The following PDE4D variants were observed in gnomAD, a reference collection of about 807,000 sequenced individuals.
PDE4D encodes phosphodiesterase 4D.
PDE4D carries 24 observed loss-of-function variants against 87.4 expected under a neutral mutation model. The observed-to-expected ratio is 0.27, with a 90% CI of 0.20 to 0.39. The LOEUF (loss-of-function observed/expected upper bound fraction) is 0.39. Among genes scored for constraint, PDE4D ranks in the 10% least tolerant of loss-of-function variants. The pLI, the probability that PDE4D is intolerant of heterozygous loss-of-function variation, is 1.00. For synonymous variants in PDE4D, 384 were observed against 383.2 expected, an observed-to-expected ratio of 1.00 and a Z score of -0.02; for missense variants, 714 against 1,041.0, an observed-to-expected ratio of 0.69 and a Z score of 4.32.
intron 1 of PDE4D, among the ~76,000 whole-genome samples, chr5:60,203,596 G>A (rs1466535640): frequency 1.3e-5 from 2 of 152,134 alleles, no homozygotes; most frequent in African/African-American, 2.4e-5. Context: ...GAACACGTGG[G>A]CTATTTCTAT....
At chr5:59,814,730 G>A (rs1037373505) in intron 1 of PDE4D, among the ~76,000 whole-genome samples, 1 of 152,160 alleles carries the variant, frequency 6.6e-6, no homozygotes, top group African/African-American at 2.4e-5. Context: ...GCTCTCTGCT[G>A]GGGACCAGCT....
intron 1 of PDE4D, among the ~76,000 whole-genome samples, chr5:59,875,728 T>C (rs944974666): frequency 1.3e-5 from 2 of 152,116 alleles, no homozygotes; most frequent in African/African-American, 4.8e-5. Context: ...TAAAATCTGA[T>C]ATATTGAAAG....
intron 1 of PDE4D, among the ~76,000 whole-genome samples, chr5:59,329,641 T>C (rs964366786): frequency 6.6e-6 from 1 of 152,226 alleles, no homozygotes; most frequent in East Asian, 1.9e-4. Flanking sequence ...ATCTATATTA[T>C]CTGCCAAATG....
intron 2 of PDE4D, among the ~76,000 whole-genome samples, chr5:59,997,111 G>A (rs1231600751): frequency 1.3e-5 from 2 of 152,058 alleles, no homozygotes; most frequent in African/African-American, 4.8e-5. Context: ...TTTGTAAATA[G>A]CATTGTACAT....
At chr5:59,684,974 A>G (rs1749614808) in intron 1 of PDE4D, among the ~76,000 whole-genome samples, 1 of 152,146 alleles carries the variant, frequency 6.6e-6, no homozygotes, top group African/African-American at 2.4e-5. Flanking sequence ...ATATTCCTCT[A>G]CAAGGGCATT....
At chr5:60,242,963 G>A (rs1187717168) in intron 1 of PDE4D, among the ~76,000 whole-genome samples, 3 of 151,762 alleles carry the variant, frequency 2.0e-5, no homozygotes, top group African/African-American at 7.2e-5. Context: ...CCCAAAACTA[G>A]TAGAAGAAAA....
At chr5:59,039,358 T>C in intron 5 of PDE4D, 1 of 1,030,338 alleles carries the variant, frequency 9.7e-7, no homozygotes, top group East Asian at 1.0e-4. Flanking sequence ...GCGAGCGCGC[T>C]TGGGTGCCCG....
intron 2 of PDE4D, chr5:59,988,764 CT>C (rs752974995): frequency 1.9e-6 from 2 of 1,063,798 alleles, no homozygotes; most frequent in Admixed American, 1.9e-5. Context: ...AAAAATCACA[CT>C]GTTTATCATT....
At chr5:59,535,331 G>A (rs1412566108) in intron 1 of PDE4D, among the ~76,000 whole-genome samples, 1 of 152,146 alleles carries the variant, frequency 6.6e-6, no homozygotes, top group Admixed American at 6.5e-5. Flanking sequence ...CCAGGCATCA[G>A]ATTTTTTAAA....
chr5:59,269,091 A>T (rs1763345626), intron 1 of PDE4D, among the ~76,000 whole-genome samples: 1 of 151,816 alleles, frequency 6.6e-6, no homozygotes, highest in South Asian at 2.1e-4. Context: ...TGTGCCTCAG[A>T]TCCGTGGGGA....
intron 1 of PDE4D, among the ~76,000 whole-genome samples, chr5:59,805,820 C>A (rs536210279): frequency 4.6e-5 from 7 of 152,194 alleles, no homozygotes; most frequent in Admixed American, 2.6e-4. Flanking sequence ...TAGGACAAGG[C>A]AAAACTGTGA....
chr5:60,485,865 A>G (rs976898916), intron 1 of PDE4D, among the ~76,000 whole-genome samples: 2 of 152,226 alleles, frequency 1.3e-5, no homozygotes, highest in East Asian at 1.9e-4. Flanking sequence ...GAAGTCCCAG[A>G]GGAAAGTACC....
At chr5:59,528,163 T>G (rs1237060079) in intron 1 of PDE4D, among the ~76,000 whole-genome samples, 1 of 152,218 alleles carries the variant, frequency 6.6e-6, no homozygotes, top group Non-Finnish European at 1.5e-5. Flanking sequence ...TGCATACATG[T>G]GTGCCAGGAA....
chr5:59,973,670 A>G (rs945404763), intron 3 of PDE4D, among the ~76,000 whole-genome samples: 4 of 152,170 alleles, frequency 2.6e-5, no homozygotes, highest in African/African-American at 9.7e-5. Context: ...TAATCCTCTG[A>G]AAATCAATTA....
intron 1 of PDE4D, among the ~76,000 whole-genome samples, chr5:60,327,971 T>C (rs1254192897): frequency 1.3e-5 from 2 of 152,168 alleles, no homozygotes; most frequent in Non-Finnish European, 2.9e-5. Flanking sequence ...TTTAAAAACA[T>C]GAGTAAAGAA....
chr5:60,148,136 G>A (rs939373541), intron 2 of PDE4D, among the ~76,000 whole-genome samples: 3 of 152,122 alleles, frequency 2.0e-5, no homozygotes, highest in Non-Finnish European at 2.9e-5. Flanking sequence ...ATGTTCCAAG[G>A]ATAGTTTATT....
At position 60,146,755 on chromosome 5, in the gene PDE4D, AT is replaced by A. The variant is rs1247708224; in HGVS notation, c.42+38801del. 2.0e-5 allele frequency among the ~76,000 whole-genome samples: 3 copies of A among 152,238 alleles called. No individual in the cohort carries two copies. In the East Asian group the frequency reaches 5.8e-4, roughly 29 times the overall value. On this transcript the variant is annotated intron_variant, in intron 2 of 16. Transcript: ENST00000502484. ...TATTCGCACCTGATATGAAGTTAAT[AT>A]TCAAAATACAGAACTCAATAGCAAG...
chr5:59,295,092 A>G (rs77569917), intron 1 of PDE4D, among the ~76,000 whole-genome samples: 9,743 of 152,214 alleles, frequency 0.064, 337 homozygotes, highest in Middle Eastern at 0.13. Flanking sequence ...CTCCCCATTT[A>G]TCTTTTTTTC....
intron 2 of PDE4D, among the ~76,000 whole-genome samples, chr5:60,030,306 C>T (rs552787829): frequency 2.6e-5 from 4 of 151,938 alleles, no homozygotes; most frequent in East Asian, 1.9e-4. Flanking sequence ...AAAAATTAGC[C>T]GGGCGCGGTG....
Sources: allele counts gnomAD v4.1 joint callset (sites outside exome capture counted in the v4.1 genomes callset), GRCh38; gene constraint gnomAD v4.1.1; transcripts MANE v1.5; gene names NCBI Gene and HGNC (gene_info 2026-07-23, HGNC 2026-07-21).